NECAB2: variants seen among roughly 807,000 people sequenced by gnomAD.
The protein encoded by NECAB2 is N-terminal EF-hand calcium binding protein 2.
Under a neutral mutation model 51.9 loss-of-function variants are expected in NECAB2, and 68 were observed. That is an observed-to-expected ratio of 1.31 (90% CI 1.08 to 1.60). The LOEUF (loss-of-function observed/expected upper bound fraction) is 1.60, where lower values mean the gene tolerates loss of function less well. NECAB2 is among the 40% of genes most tolerant of loss of function. The pLI, the probability that NECAB2 is intolerant of heterozygous loss-of-function variation, is 0.00. For synonymous variants in NECAB2, 329 were observed against 203.5 expected (o/e 1.62, Z -5.25); for missense variants, 854 against 490.3 (o/e 1.74, Z -7.00).
At chr16:84,001,625 GAA>G (rs1567682065) in intron 11 of NECAB2, among the ~76,000 whole-genome samples, 198 bp from the exon 12 acceptor site, 1 of 152,072 alleles carries the variant, frequency 6.6e-6, no homozygotes, top group African/African-American at 2.4e-5. Context: ...AGCTCACAGG[GAA>G]AAAGAGAAGC....
intron 8 of NECAB2, among the ~76,000 whole-genome samples, chr16:83,995,217 C>T (rs2084680452): frequency 1.3e-5 from 2 of 152,168 alleles, no homozygotes; most frequent in African/African-American, 2.4e-5. Flanking sequence ...TTTCGTGACT[C>T]GGGATAGAGT....
At chr16:83,965,939 T>C, upstream of NECAB2, 1 of 1,612,068 alleles carries the variant, frequency 6.2e-7, no homozygotes, top group Non-Finnish European at 8.5e-7. Flanking sequence ...CTTCGTGAGG[T>C]TTGTGCAGGG....
intron 4 of NECAB2, 73 bp from the exon 5 acceptor site, chr16:83,980,957 G>A: frequency 1.9e-6 from 3 of 1,605,792 alleles, no homozygotes; most frequent in East Asian, 2.2e-5. Context: ...AGGTAGCGCA[G>A]GTGGGAGGTG....
At chr16:83,983,511 T>C (rs184564663) in intron 5 of NECAB2, among the ~76,000 whole-genome samples, 220 of 152,354 alleles carry the variant, frequency 1.4e-3, no homozygotes, top group South Asian at 0.013. Flanking sequence ...TATTTTTGCA[T>C]TCCCTTTTTT....
intron 3 of NECAB2, among the ~76,000 whole-genome samples, chr16:83,979,194 G>C (rs1423479835): frequency 6.6e-6 from 1 of 152,154 alleles, no homozygotes; most frequent in Non-Finnish European, 1.5e-5. Flanking sequence ...CCCCAGACAG[G>C]ATGAGGTCTG....
chr16:83,975,894 C>G (rs1339498048), intron 2 of NECAB2, among the ~76,000 whole-genome samples: 1 of 152,158 alleles, frequency 6.6e-6, no homozygotes, highest in African/African-American at 2.4e-5. Context: ...GGACTGGGGG[C>G]CTACGTAGGG....
At chr16:83,992,376 G>A (rs897726993) in intron 6 of NECAB2, among the ~76,000 whole-genome samples, 6 of 109,772 alleles carry the variant, frequency 5.5e-5, no homozygotes, top group South Asian at 2.7e-4. Flanking sequence ...ACGAGCACCC[G>A]TCCCCCCGCC....
At chr16:83,991,352 C>T (rs900282965) in intron 6 of NECAB2, among the ~76,000 whole-genome samples, 4 of 142,146 alleles carry the variant, frequency 2.8e-5, no homozygotes, top group African/African-American at 5.7e-5. Context: ...TTTTCTATTT[C>T]CTTTTCTTTT....
rs200458213 is a variant in NECAB2, at chr16:83,990,678, G to T, written c.596+48G>T. On this transcript the variant is annotated intron_variant, in intron 6 of 12. Transcript: ENST00000305202. ...GGTCCCATGGGGGTATGCCGTGCAC[G>T]CGCACGTGCCCACCTGCTGCTTGGT... is the stretch of plus-strand genomic sequence containing the variant. 5.3e-4 allele frequency: 846 copies of T among 1,599,788 alleles called. 6 individuals carry two copies. The highest frequency in any genetic ancestry group is 5.5e-4 in the South Asian group (50 of 90,122).
At chr16:83,997,409 C>A in intron 9 of NECAB2, 140 bp downstream of exon 9, 1 of 1,044,922 alleles carries the variant, frequency 9.6e-7, no homozygotes. Flanking sequence ...CAGCGCTTGG[C>A]ACCCAGACCC....
At chr16:83,992,383 C>T (rs958456045) in intron 6 of NECAB2, among the ~76,000 whole-genome samples, 5 of 145,374 alleles carry the variant, frequency 3.4e-5, no homozygotes, top group South Asian at 4.5e-4. Context: ...CCCGTCCCCC[C>T]GCCCACCTCC....
chr16:83,987,536 G>A (rs114737707), intron 5 of NECAB2, among the ~76,000 whole-genome samples: 19 of 152,094 alleles, frequency 1.2e-4, no homozygotes, highest in South Asian at 4.1e-4. Flanking sequence ...TAACATTTTA[G>A]CCTTTTTTTA....
At chr16:83,972,618 C>T (rs1173920810) in intron 2 of NECAB2, among the ~76,000 whole-genome samples, 1 of 152,252 alleles carries the variant, frequency 6.6e-6, no homozygotes, top group Non-Finnish European at 1.5e-5. Context: ...GTGCTCTTGC[C>T]TCTGTTGACA....
intron 3 of NECAB2, among the ~76,000 whole-genome samples, 177 bp from the exon 4 acceptor site, chr16:83,980,662 C>T (rs929677838): frequency 2.0e-5 from 3 of 152,076 alleles, no homozygotes; most frequent in African/African-American, 2.4e-5. Context: ...AGACGTGGGC[C>T]TTCAGGGGCG....
intron 6 of NECAB2, among the ~76,000 whole-genome samples, chr16:83,992,326 C>G (rs575072327): frequency 2.5e-4 from 37 of 150,750 alleles, no homozygotes; most frequent in Admixed American, 1.6e-3. Flanking sequence ...TAGAGAGGAG[C>G]GACATTCTCG....
chr16:83,969,093 G>T (rs1410412850), intron 1 of NECAB2, among the ~76,000 whole-genome samples: 1 of 150,296 alleles, frequency 6.7e-6, no homozygotes, highest in African/African-American at 2.5e-5. Flanking sequence ...GGCGCTTCTC[G>T]GAGTCCCTGC....
rs372480394 is a variant in NECAB2, at chr16:83,994,555, G to A, written c.716-54G>A. 198 of 1,609,702 alleles carry A rather than the reference G, an allele frequency of 1.2e-4. No homozygotes were observed. In the African/African-American group the frequency reaches 2.3e-3, roughly 18 times the overall value. On this transcript the variant is annotated intron_variant, in intron 7 of 12. Coordinates refer to ENST00000305202, the MANE Select transcript of NECAB2 (RefSeq NM_019065.3). ...GGCTGGATGTTTCCAGCTTCCCCCC[G>A]AAGCCCTCGTCCTGCCCACCACTGA... is the stretch of plus-strand genomic sequence containing the variant.
chr16:83,984,483 G>T (rs988067553), intron 5 of NECAB2, among the ~76,000 whole-genome samples: 7 of 151,886 alleles, frequency 4.6e-5, no homozygotes, highest in East Asian at 1.9e-4. Flanking sequence ...AGCACTTTGG[G>T]AGGCCGAGGC....
chr16:83,997,314 A>T (rs746171758), intron 9 of NECAB2, 45 bp downstream of exon 9: 1 of 1,611,558 alleles, frequency 6.2e-7, no homozygotes, highest in Non-Finnish European at 8.5e-7. Flanking sequence ...ATCCCTACCC[A>T]TGCCAGGACT....
Sources: allele counts gnomAD v4.1 joint callset (sites outside exome capture counted in the v4.1 genomes callset), GRCh38; gene constraint gnomAD v4.1.1; transcripts MANE v1.5; gene names NCBI Gene and HGNC (gene_info 2026-07-23, HGNC 2026-07-21).